Variants in FAM174A observed in about 807,000 individuals in gnomAD.
The protein encoded by FAM174A is membrane protein FAM174A.
In FAM174A, 14 loss-of-function variants were observed where a neutral mutation model predicts 14.3. The observed-to-expected ratio is 0.98, with a 90% CI of 0.65 to 1.53. The LOEUF is 1.53. Among genes scored for constraint, FAM174A ranks in the 40% most tolerant of loss-of-function variants. FAM174A has a pLI of 0.00. For synonymous variants in FAM174A, 108 were observed against 111.4 expected, an observed-to-expected ratio of 0.97 and a Z score of 0.19; for missense variants, 241 against 249.6, an observed-to-expected ratio of 0.97 and a Z score of 0.23.
chr5:100,546,883 G>A (rs1743517370), intron 1 of FAM174A, among the ~76,000 whole-genome samples: 1 of 151,790 alleles, frequency 6.6e-6, no homozygotes, highest in South Asian at 2.1e-4. Flanking sequence ...TATAGCTTCT[G>A]GCTTCTCTTG....
chr5:100,553,722 A>G lies in FAM174A; in HGVS notation c.435-8332A>G, dbSNP rs116185808. Among the ~76,000 whole-genome samples the G allele has an allele frequency of 1.5e-3, 225 of 152,254 alleles. 2 individuals are homozygous for G. The highest frequency in any genetic ancestry group is 5.3e-3 in the African/African-American group (219 of 41,576). On this transcript the variant is annotated intron_variant, in intron 1 of 2. Coordinates refer to ENST00000312637, the MANE Select transcript of FAM174A (RefSeq NM_198507.3). The stretch of plus-strand genomic sequence containing the variant: ...TTTGGATTCATTTTTAGAAGATAGT[A>G]TTTACATACACATGTAAATTAAAGG...
chr5:100,559,376 T>G (rs1469676502), intron 1 of FAM174A, among the ~76,000 whole-genome samples: 1 of 152,174 alleles, frequency 6.6e-6, no homozygotes, highest in East Asian at 1.9e-4. Flanking sequence ...TAACATTTTT[T>G]CCTTCATTTC....
intron 1 of FAM174A, among the ~76,000 whole-genome samples, chr5:100,538,904 T>C (rs1218673842): frequency 6.6e-6 from 1 of 152,116 alleles, no homozygotes; most frequent in East Asian, 1.9e-4. Flanking sequence ...AGATGGTTGT[T>C]GGTTTTAGCA....
chr5:100,556,669 G>C (rs959329413), intron 1 of FAM174A, among the ~76,000 whole-genome samples: 3 of 152,124 alleles, frequency 2.0e-5, no homozygotes, highest in African/African-American at 7.2e-5. Context: ...TCCCTTGTAA[G>C]TTAGATTCCT....
intron 2 of FAM174A, among the ~76,000 whole-genome samples, chr5:100,570,190 G>A (rs1200989106): frequency 6.6e-6 from 1 of 151,796 alleles, no homozygotes. Context: ...CCACATAACA[G>A]CATTTTTAAA....
At chr5:100,547,875 C>T (rs1006085142) in intron 1 of FAM174A, among the ~76,000 whole-genome samples, 2 of 151,622 alleles carry the variant, frequency 1.3e-5, no homozygotes, top group African/African-American at 4.8e-5. Flanking sequence ...ATGAATAGGC[C>T]TAGGTTTGGT....
intron 1 of FAM174A, among the ~76,000 whole-genome samples, chr5:100,542,669 A>G (rs547573047): frequency 6.6e-6 from 1 of 152,222 alleles, no homozygotes; most frequent in South Asian, 2.1e-4. Flanking sequence ...ACTGTCCAAT[A>G]TGGTAGCCAG....
intron 2 of FAM174A, among the ~76,000 whole-genome samples, chr5:100,583,837 G>A (rs918054039): frequency 3.9e-5 from 6 of 152,100 alleles, no homozygotes; most frequent in African/African-American, 7.2e-5. Context: ...CTTTCATGAC[G>A]TTCTCTCTAT....
At chr5:100,582,018 C>T (rs6889144) in intron 2 of FAM174A, among the ~76,000 whole-genome samples, 1 of 152,078 alleles carries the variant, frequency 6.6e-6, no homozygotes, top group African/African-American at 2.4e-5. Flanking sequence ...AGATATTCCT[C>T]AGGGTCTCAT....
intron 2 of FAM174A, among the ~76,000 whole-genome samples, chr5:100,576,717 GA>G (rs1746913050): frequency 6.6e-6 from 1 of 152,068 alleles, no homozygotes; most frequent in African/African-American, 2.4e-5. Flanking sequence ...GTCAAATGGG[GA>G]AAAATTGTAG....
chr5:100,536,185 A>G (rs1035658028), intron 1 of FAM174A, among the ~76,000 whole-genome samples: 5 of 152,182 alleles, frequency 3.3e-5, no homozygotes, highest in African/African-American at 7.2e-5. Context: ...CCTACCTCCA[A>G]ATCTCTTCAT....
At chr5:100,565,173 G>C (rs2112388979) in intron 2 of FAM174A, among the ~76,000 whole-genome samples, 1 of 151,818 alleles carries the variant, frequency 6.6e-6, no homozygotes, top group East Asian at 1.9e-4. Flanking sequence ...TGATTAAGTG[G>C]GATTTGTCCC....
intron 1 of FAM174A, among the ~76,000 whole-genome samples, chr5:100,553,072 G>T (rs982174770): frequency 1.3e-5 from 2 of 151,950 alleles, no homozygotes; most frequent in South Asian, 4.1e-4. Context: ...ATCTACATGT[G>T]TGTGTATAAT....
intron 1 of FAM174A, among the ~76,000 whole-genome samples, chr5:100,538,597 A>G (rs1045743602): frequency 6.6e-6 from 1 of 152,068 alleles, no homozygotes; most frequent in Non-Finnish European, 1.5e-5. Flanking sequence ...CTTAATCTCT[A>G]TGAAAAGAGA....
intron 1 of FAM174A, among the ~76,000 whole-genome samples, chr5:100,550,603 ATGTC>A (rs1417027512): frequency 2.0e-5 from 3 of 152,192 alleles, no homozygotes; most frequent in African/African-American, 7.2e-5. Context: ...ATGGAATCAA[ATGTC>A]TGGTAGGGAT....
intron 2 of FAM174A, among the ~76,000 whole-genome samples, chr5:100,568,653 G>T (rs1746713808): frequency 6.6e-6 from 1 of 150,878 alleles, no homozygotes; most frequent in Non-Finnish European, 1.5e-5. Context: ...TTACTAATTG[G>T]TTCAGTCTTA....
intron 2 of FAM174A, among the ~76,000 whole-genome samples, chr5:100,584,646 T>G (rs1189406804): frequency 6.6e-6 from 1 of 152,220 alleles, no homozygotes; most frequent in Admixed American, 6.5e-5. Context: ...AGGTTTGCAT[T>G]TCTTACAGCA....
intron 1 of FAM174A, among the ~76,000 whole-genome samples, chr5:100,548,038 C>T (rs1746196396): frequency 6.6e-6 from 1 of 152,006 alleles, no homozygotes. Context: ...CTTCTGTATG[C>T]TTTTGTTTTG....
At chr5:100,557,989 G>T (rs1323200246) in intron 1 of FAM174A, among the ~76,000 whole-genome samples, 2 of 152,040 alleles carry the variant, frequency 1.3e-5, no homozygotes. Flanking sequence ...GCTTTTGAAT[G>T]TGTTTACTCT....
Sources: gnomAD v4.1 joint callset for allele counts (sites outside exome capture counted in the v4.1 genomes callset) on GRCh38, gnomAD v4.1.1 for gene constraint, MANE v1.5 for transcripts, NCBI Gene and HGNC (gene_info 2026-07-23, HGNC 2026-07-21) for gene names.